The following HCRTR2 variants were observed in gnomAD, a reference collection of about 807,000 sequenced individuals.
The protein encoded by HCRTR2 is hypocretin receptor 2.
A neutral mutation model predicts 49.0 loss-of-function variants in HCRTR2; 22 were observed. The observed-to-expected ratio is 0.45, with a 90% CI of 0.32 to 0.64. The LOEUF (loss-of-function observed/expected upper bound fraction) is 0.64, where lower values mean the gene tolerates loss of function less well. HCRTR2 is among the 30% of genes least tolerant of loss of function. HCRTR2 has a pLI of 0.04. For missense variants in HCRTR2, 491 were observed against 559.4 expected (o/e 0.88, Z 1.23); for synonymous variants, 236 against 205.3 (o/e 1.15, Z -1.28).
In HCRTR2 at chr6:55,221,584, G is replaced by C. The variant is rs570193704; in HGVS notation, c.224-27055G>C. Among the ~76,000 whole-genome samples, 11 of 151,780 alleles carry C rather than the reference G, an allele frequency of 7.2e-5. No homozygotes were observed. In the East Asian group the frequency reaches 7.8e-4, roughly 11 times the overall value. On this transcript the variant is annotated intron_variant, in intron 1 of 6. Transcript: ENST00000370862. Reference sequence around the variant, plus strand: ...ATCCCAGCACTTTGGGAGGCCAAGGGGGTCAGATCACGAGGTCAGAAGATC... The same window carrying C: ...ATCCCAGCACTTTGGGAGGCCAAGGCGGTCAGATCACGAGGTCAGAAGATC...
intron 1 of HCRTR2, among the ~76,000 whole-genome samples, chr6:55,121,903 G>C (rs1764205410): frequency 6.6e-6 from 1 of 151,712 alleles, no homozygotes; most frequent in Non-Finnish European, 1.5e-5. Context: ...GTTCGTCAGG[G>C]ATATTGTTCT....
At chr6:55,221,929 A>G (rs920638206) in intron 1 of HCRTR2, among the ~76,000 whole-genome samples, 10 of 152,168 alleles carry the variant, frequency 6.6e-5, no homozygotes, top group Non-Finnish European at 1.3e-4. Flanking sequence ...AAGAACAGGC[A>G]GTAAAAGCAA....
chr6:55,212,668 T>A (rs1327145991), intron 1 of HCRTR2, among the ~76,000 whole-genome samples: 3 of 152,124 alleles, frequency 2.0e-5, no homozygotes, highest in Non-Finnish European at 4.4e-5. Context: ...TAATTAAACA[T>A]ATAAAAGAAT....
At chr6:55,131,273 C>T (rs903154242) in intron 1 of HCRTR2, among the ~76,000 whole-genome samples, 1 of 151,200 alleles carries the variant, frequency 6.6e-6, no homozygotes, top group Non-Finnish European at 1.5e-5. Flanking sequence ...AAGATTTTAC[C>T]TTTTCAGATT....
chr6:55,266,523 G>T (rs1766863627), intron 4 of HCRTR2, among the ~76,000 whole-genome samples: 1 of 152,120 alleles, frequency 6.6e-6, no homozygotes, highest in Non-Finnish European at 1.5e-5. Flanking sequence ...GAGCATGTAG[G>T]AATAAAGATA....
intron 1 of HCRTR2, among the ~76,000 whole-genome samples, chr6:55,107,358 A>G (rs1382987213): frequency 1.3e-5 from 2 of 152,070 alleles, no homozygotes; most frequent in African/African-American, 4.8e-5. Context: ...AACTCCCGTT[A>G]CTAGCTACTT....
At chr6:55,256,436 A>G (rs184872588) in intron 3 of HCRTR2, among the ~76,000 whole-genome samples, 3 of 152,286 alleles carry the variant, frequency 2.0e-5, no homozygotes, top group East Asian at 1.9e-4. Flanking sequence ...AAAAAAGCCA[A>G]TCACTGATAT....
rs201852099 is a variant in HCRTR2 at position 55,255,335 on chromosome 6, C to G, written c.602C>G (p.Ala201Gly). The G allele has an allele frequency of 6.8e-6, 11 of 1,613,866 alleles. No individual in the cohort carries two copies. In the African/African-American group the frequency reaches 9.3e-5, roughly 14 times the overall value. The change falls in exon 3 of 7, where the codon GCC becomes GGC. Residue 201 changes from alanine to glycine, a missense_variant. Coordinates refer to ENST00000370862, the MANE Select transcript of HCRTR2 (RefSeq NM_001384272.1). ...MECSTVFPGL[A>G]NKTTLFTVCD... Reference sequence around the variant, plus strand: ...TGCAGCACCGTGTTCCCAGGCTTAGCCAATAAAACCACCCTCTTTACGGTG... The same window carrying G: ...TGCAGCACCGTGTTCCCAGGCTTAGGCAATAAAACCACCCTCTTTACGGTG...
intron 1 of HCRTR2, among the ~76,000 whole-genome samples, chr6:55,151,799 A>G (rs73743261): frequency 0.013 from 1,980 of 152,048 alleles, 47 homozygotes; most frequent in African/African-American, 0.045. Context: ...TTCTTAAAAA[A>G]AAAAACACTT....
chr6:55,112,197 G>A (rs1304390897), intron 1 of HCRTR2, among the ~76,000 whole-genome samples: 2 of 151,832 alleles, frequency 1.3e-5, no homozygotes, highest in East Asian at 1.9e-4. Context: ...ATACTAAATG[G>A]GGAAAAGTTG....
At chr6:55,203,511 A>G (rs536680786) in intron 1 of HCRTR2, among the ~76,000 whole-genome samples, 1 of 152,310 alleles carries the variant, frequency 6.6e-6, no homozygotes, top group South Asian at 2.1e-4. Flanking sequence ...AAGAACAAGT[A>G]GTAAGTAAAA....
intron 1 of HCRTR2, among the ~76,000 whole-genome samples, chr6:55,216,538 G>A (rs1562010201): frequency 6.6e-6 from 1 of 152,140 alleles, no homozygotes; most frequent in African/African-American, 2.4e-5. Flanking sequence ...TAGAAGAAGG[G>A]GTTAATGGTC....
intron 1 of HCRTR2, among the ~76,000 whole-genome samples, chr6:55,244,822 T>G (rs916759911): frequency 1.3e-5 from 2 of 152,100 alleles, no homozygotes; most frequent in Non-Finnish European, 2.9e-5. Context: ...TAATCCATCT[T>G]CAGTTGCTAT....
At chr6:55,177,886 T>C (rs1561996807) in intron 1 of HCRTR2, among the ~76,000 whole-genome samples, 1 of 152,164 alleles carries the variant, frequency 6.6e-6, no homozygotes, top group Non-Finnish European at 1.5e-5. Context: ...AGTATTTACA[T>C]TCAATGAAAA....
chr6:55,247,646 A>G (rs1310984135), intron 1 of HCRTR2, among the ~76,000 whole-genome samples: 1 of 152,082 alleles, frequency 6.6e-6, no homozygotes, highest in Admixed American at 6.6e-5. Flanking sequence ...AGAGCTAGTG[A>G]TTATGTAACT....
At chr6:55,133,662 CATCT>C (rs5876428) in intron 1 of HCRTR2, among the ~76,000 whole-genome samples, 47,844 of 148,568 alleles carry the variant, frequency 0.32, 8,445 homozygotes, top group East Asian at 0.54. Context: ...ATCTATCTAT[CATCT>C]ATCTATCTAT....
chr6:55,262,689 G>A (rs1366527535), intron 3 of HCRTR2, among the ~76,000 whole-genome samples: 2 of 139,392 alleles, frequency 1.4e-5, no homozygotes, highest in South Asian at 2.2e-4. Context: ...TATATATTAT[G>A]TAGGGAATCT....
intron 1 of HCRTR2, among the ~76,000 whole-genome samples, chr6:55,152,080 GT>G (rs1422216975): frequency 6.6e-5 from 10 of 151,888 alleles, no homozygotes; most frequent in Admixed American, 5.3e-4. Context: ...AGCAGAGTAG[GT>G]TTAGCTTAAT....
intron 1 of HCRTR2, among the ~76,000 whole-genome samples, chr6:55,195,845 G>C (rs1765399692): frequency 6.6e-6 from 1 of 152,016 alleles, no homozygotes; most frequent in African/African-American, 2.4e-5. Flanking sequence ...GTGGGTGCCT[G>C]TAGTCCCAGC....
Sources: gnomAD v4.1 joint callset for allele counts (sites outside exome capture counted in the v4.1 genomes callset) on GRCh38, gnomAD v4.1.1 for gene constraint, MANE v1.5 for transcripts, NCBI Gene and HGNC (gene_info 2026-07-23, HGNC 2026-07-21) for gene names.